PBX4: variants seen among roughly 807,000 people sequenced by gnomAD.
PBX4 encodes PBX homeobox 4.
In PBX4, 26 loss-of-function variants were observed where a neutral mutation model predicts 35.1. The observed-to-expected ratio is 0.74, with a 90% CI of 0.54 to 1.03. The LOEUF is 1.03. Ranked by LOEUF, PBX4 falls within the 50% of genes least tolerant of loss-of-function variation. The pLI is 0.00. For synonymous variants in PBX4, 199 were observed against 204.2 expected (o/e 0.97, Z 0.22); for missense variants, 448 against 504.3 (o/e 0.89, Z 1.07).
intron 2 of PBX4, among the ~76,000 whole-genome samples, chr19:19,573,939 A>G (rs2061403131): frequency 1.3e-5 from 2 of 152,286 alleles, no homozygotes; most frequent in South Asian, 4.1e-4. Context: ...CATGTTGGCC[A>G]GGCTAATCTC....
At chr19:19,564,323 C>G (rs2061327583) in intron 6 of PBX4, among the ~76,000 whole-genome samples, 2 of 151,536 alleles carry the variant, frequency 1.3e-5, no homozygotes, top group Non-Finnish European at 2.9e-5. Flanking sequence ...GACATGAACT[C>G]ATCATTTTTT....
At chr19:19,566,586 G>A (rs925156403) in intron 5 of PBX4, among the ~76,000 whole-genome samples, 3 of 151,948 alleles carry the variant, frequency 2.0e-5, no homozygotes, top group African/African-American at 7.3e-5. Flanking sequence ...GTGCAGCGGT[G>A]CGATCTCAGC....
At chr19:19,566,782 C>T (rs1254563615) in intron 5 of PBX4, among the ~76,000 whole-genome samples, 2 of 150,158 alleles carry the variant, frequency 1.3e-5, no homozygotes, top group African/African-American at 4.9e-5. Flanking sequence ...GCGACCTCAA[C>T]TCACTGCAAC....
intron 1 of PBX4, among the ~76,000 whole-genome samples, chr19:19,614,783 C>T (rs958423911): frequency 3.3e-5 from 5 of 151,324 alleles, no homozygotes; most frequent in East Asian, 2.0e-4. Context: ...TTGAAATCCT[C>T]GACCTTTGGA....
intron 2 of PBX4, chr19:19,588,276 A>C: frequency 8.3e-7 from 1 of 1,200,038 alleles, no homozygotes; most frequent in East Asian, 2.4e-5. Context: ...AGTTACATTC[A>C]TCACATATGC....
intron 1 of PBX4, chr19:19,608,777 C>A (rs2061645878): frequency 6.6e-6 from 1 of 152,468 alleles, no homozygotes; most frequent in African/African-American, 2.4e-5. Flanking sequence ...TCCTTGTCCC[C>A]CGCCTGACTT....
chr19:19,565,689 G>T lies in PBX4; in HGVS notation c.769-600C>A, dbSNP rs903858955. Among the ~76,000 whole-genome samples, 4 of 152,096 alleles carry T rather than the reference G, an allele frequency of 2.6e-5. No individual in the cohort carries two copies. The East Asian group carries it at 5.8e-4, about 22-fold the overall frequency. ...TCTCAGCACTTTGGGAGGCTGAGGT[G>T]GGGGGATCATCTGAGGTCAGGAGTT... is the stretch of plus-strand genomic sequence containing the variant. On this transcript the variant is annotated intron_variant, in intron 5 of 7. Coordinates refer to ENST00000251203, the MANE Select transcript of PBX4 (RefSeq NM_025245.3).
At chr19:19,596,400 A>G (rs1278713475) in intron 2 of PBX4, among the ~76,000 whole-genome samples, 1 of 152,184 alleles carries the variant, frequency 6.6e-6, no homozygotes, top group Non-Finnish European at 1.5e-5. Flanking sequence ...AAACAAAAAT[A>G]AAGATATCAT....
chr19:19,570,366 C>T (rs1600399150), intron 3 of PBX4, 67 bp from the exon 4 acceptor site: 3 of 1,517,486 alleles, frequency 2.0e-6, no homozygotes, highest in Non-Finnish European at 2.7e-6. Flanking sequence ...CAGCAGGTTC[C>T]ACAGCGGAGC....
intron 1 of PBX4, among the ~76,000 whole-genome samples, chr19:19,613,533 A>G (rs2061673981): frequency 6.6e-6 from 1 of 151,670 alleles, no homozygotes; most frequent in African/African-American, 2.4e-5. Context: ...GAATCTCAGG[A>G]GATTGCTGCA....
Position 19,563,736 on chromosome 19 carries a change from T to A in PBX4, c.926-121A>T. 2.4e-6 allele frequency: 2 copies of A among 824,926 alleles called. No homozygotes were observed. The highest frequency in any genetic ancestry group is 1.7e-5 in the African/African-American group (1 of 59,024). 51.1% of individuals were successfully genotyped at this position (824,926 alleles called of 1,614,324 possible). On this transcript the variant is annotated intron_variant, in intron 6 of 7. Coordinates refer to ENST00000251203, the MANE Select transcript of PBX4 (RefSeq NM_025245.3). This position sits in a 1 kb window ranked among gnomAD's most constrained non-coding sequence, Gnocchi z 5.1. ...TCCTGCCCCTCCTCAGCATCCGGCC[T>A]CTGCTCCTCAGCCCCCACCCAGGCA...
chr19:19,563,476 C>T lies in PBX4; in HGVS notation c.1032+33G>A, dbSNP rs1270800689. On this transcript the variant is annotated intron_variant, in intron 7 of 7. Coordinates refer to ENST00000251203, the MANE Select transcript of PBX4 (RefSeq NM_025245.3). This position sits in a 1 kb window ranked among gnomAD's most constrained non-coding sequence, Gnocchi z 5.1. ...ACCCTTTCTGAGAACCTACCACCCACCTGGGCGCTGTGGGACAGTGCCTGA... is the reference window on the plus strand; with the variant it reads ...ACCCTTTCTGAGAACCTACCACCCATCTGGGCGCTGTGGGACAGTGCCTGA... 1 of 1,488,780 alleles carries T rather than the reference C, an allele frequency of 6.7e-7. No individual in the cohort carries two copies. 92.2% of individuals were successfully genotyped at this position (1,488,780 alleles called of 1,614,324 possible).
intron 2 of PBX4, among the ~76,000 whole-genome samples, chr19:19,576,051 T>A (rs996034547): frequency 1.3e-5 from 2 of 152,084 alleles, no homozygotes; most frequent in African/African-American, 2.4e-5. Flanking sequence ...GGGTGTGAAA[T>A]GCAGGGCTGC....
intron 2 of PBX4, among the ~76,000 whole-genome samples, chr19:19,583,274 G>A (rs558313096): frequency 6.6e-6 from 1 of 150,528 alleles, no homozygotes; most frequent in South Asian, 2.1e-4. Flanking sequence ...GCGAGACTCC[G>A]TCTCAAAAAA....
chr19:19,602,036 C>T (rs941587065), intron 1 of PBX4, among the ~76,000 whole-genome samples: 1 of 152,002 alleles, frequency 6.6e-6, no homozygotes, highest in East Asian at 1.9e-4. Context: ...GACAGGGTCT[C>T]GTTATGTTGC....
chr19:19,570,398 G>A, intron 3 of PBX4, 99 bp from the exon 4 acceptor site: 1 of 1,460,492 alleles, frequency 6.8e-7, no homozygotes, highest in East Asian at 2.3e-5. Context: ...ACCCCCTGTA[G>A]TTCACACACC....
At chr19:19,599,206 A>T (rs2061580500) in intron 2 of PBX4, 86 bp downstream of exon 2, 4 of 1,146,500 alleles carry the variant, frequency 3.5e-6, no homozygotes, top group Non-Finnish European at 5.1e-6. Context: ...GCCTCAGGTG[A>T]TCTGCCCGCC....
intron 2 of PBX4, among the ~76,000 whole-genome samples, chr19:19,582,823 G>A (rs370110648): frequency 3.3e-5 from 5 of 152,146 alleles, no homozygotes; most frequent in Non-Finnish European, 5.9e-5. Flanking sequence ...AAGACGCTGC[G>A]CTGCTGCTGT....
At chr19:19,587,196 G>GT (rs1276092506) in intron 2 of PBX4, among the ~76,000 whole-genome samples, 1 of 151,272 alleles carries the variant, frequency 6.6e-6, no homozygotes, top group East Asian at 2.0e-4. Context: ...TTTTGTTTTT[G>GT]TTTTTTGACT....
Sources: gnomAD v4.1 joint callset for allele counts (sites outside exome capture counted in the v4.1 genomes callset) on GRCh38, gnomAD v4.1.1 for gene constraint, Gnocchi (gnomAD v3.1) non-coding constraint, MANE v1.5 for transcripts, NCBI Gene and HGNC (gene_info 2026-07-23, HGNC 2026-07-21) for gene names.